The following ARID2 variants were observed in gnomAD, a reference collection of about 807,000 sequenced individuals.
ARID2 encodes the protein AT-rich interactive domain-containing protein 2.
Under a neutral mutation model 184.6 loss-of-function variants are expected in ARID2, and 32 were observed. The observed-to-expected ratio is 0.17, with a 90% CI of 0.13 to 0.23. ARID2 has a LOEUF of 0.23. Among genes scored for constraint, ARID2 ranks in the 10% least tolerant of loss-of-function variants. The pLI is 1.00. For synonymous variants in ARID2, 836 were observed against 772.6 expected, an observed-to-expected ratio of 1.08 and a Z score of -1.36; for missense variants, 1,696 against 2,197.6, an observed-to-expected ratio of 0.77 and a Z score of 4.56.
chr12:45,813,461 A>G (rs1309084078), intron 4 of ARID2, among the ~76,000 whole-genome samples: 1 of 149,780 alleles, frequency 6.7e-6, no homozygotes, highest in Non-Finnish European at 1.5e-5. Context: ...TGTGTTCTAA[A>G]AAAAAAAAAA....
At position 45,848,685 on chromosome 12, in the gene ARID2, A is replaced by G. The variant is rs111910550; in HGVS notation, c.1581-151A>G. ...ATTGATTTAATCTAAAATTTAGCAT[A>G]TATTTTTGCTACTAACGTATGAGTC... On this transcript the variant is annotated intron_variant, in intron 12 of 20. Coordinates refer to ENST00000334344, the MANE Select transcript of ARID2 (RefSeq NM_152641.4). The G allele has an allele frequency of 1.6e-3, 813 of 509,312 alleles. 1 individual carries two copies. Among genetic ancestry groups the G allele is most frequent in the Admixed American group, 3.2e-3 (77 of 24,394 alleles). 31.5% of individuals were successfully genotyped at this position (509,312 alleles called of 1,614,324 possible).
intron 16 of ARID2, among the ~76,000 whole-genome samples, chr12:45,886,418 T>C (rs1222632964): frequency 2.0e-5 from 3 of 152,208 alleles, no homozygotes; most frequent in African/African-American, 7.2e-5. Flanking sequence ...GCATTGAGTG[T>C]CTGCGGTTTC....
intron 6 of ARID2, 96 bp downstream of exon 6, chr12:45,821,583 C>A: frequency 3.1e-6 from 2 of 635,546 alleles, no homozygotes; most frequent in Non-Finnish European, 2.5e-6. Flanking sequence ...ATAATACTAC[C>A]TATACTTTTA....
In ARID2 at chr12:45,848,949, C is replaced by T. The variant is rs769479539; in HGVS notation, c.1694C>T (p.Thr565Ile). 6.2e-7 allele frequency: 1 copy of T among 1,612,042 alleles called. No homozygotes were observed. The highest frequency in any genetic ancestry group is 8.5e-7 in the Non-Finnish European group (1 of 1,178,816). The change falls in exon 13 of 21, where the codon ACT becomes ATT. Residue 565 changes from threonine (T) to isoleucine (I), a missense_variant. Thr to Ile is a moderately conservative substitution (Grantham distance 89, BLOSUM62 -1). Around this residue, in one of 11 missense-constraint regions of ARID2, gnomAD observed 713 missense variants for 824.4 expected, o/e 0.86. Transcript: ENST00000334344. The part of the protein sequence containing the change: ...KLARGGILTS[T>I]GFYKCLRTVF... ...GCTCGTGGTGGAATCCTAACATCAA[C>T]TGGATTTTATAAATGTCTTAGGTAG...
At chr12:45,892,503 T>C (rs1157110683) in intron 18 of ARID2, among the ~76,000 whole-genome samples, 1 of 147,332 alleles carries the variant, frequency 6.8e-6, no homozygotes, top group South Asian at 2.1e-4. Flanking sequence ...TACACACACA[T>C]ATAAACATAC....
chr12:45,899,681 T>TTA (rs1248358845), intron 20 of ARID2, among the ~76,000 whole-genome samples: 1,536 of 54,622 alleles, frequency 0.028, 25 homozygotes, highest in Non-Finnish European at 0.04. Context: ...TTATATATGG[T>TTA]TATATATATA....
At chr12:45,730,311 G>T (rs1940956333) in intron 2 of ARID2, among the ~76,000 whole-genome samples, 174 bp downstream of exon 2, 1 of 148,586 alleles carries the variant, frequency 6.7e-6, no homozygotes, top group Non-Finnish European at 1.5e-5. Context: ...TTTTTGGCCT[G>T]GTGGCTCGCG....
chr12:45,764,994 C>G (rs1011867173), intron 3 of ARID2, among the ~76,000 whole-genome samples: 2 of 152,138 alleles, frequency 1.3e-5, no homozygotes, highest in East Asian at 3.8e-4. Flanking sequence ...TGTCCCTCAA[C>G]CTTGCTAGCA....
At chr12:45,759,289 T>C (rs893020413) in intron 3 of ARID2, among the ~76,000 whole-genome samples, 4 of 152,202 alleles carry the variant, frequency 2.6e-5, no homozygotes, top group East Asian at 3.8e-4. Flanking sequence ...AAATTGGTGA[T>C]ATGTATATGT....
At chr12:45,734,414 T>C (rs1941068540) in intron 3 of ARID2, among the ~76,000 whole-genome samples, 1 of 152,126 alleles carries the variant, frequency 6.6e-6, no homozygotes, top group Non-Finnish European at 1.5e-5. Flanking sequence ...AATTGGATAC[T>C]AATCATCTGT....
At chr12:45,834,754 C>A (rs181373210) in intron 6 of ARID2, among the ~76,000 whole-genome samples, 1 of 152,176 alleles carries the variant, frequency 6.6e-6, no homozygotes, top group East Asian at 1.9e-4. Flanking sequence ...AAAAGAAATA[C>A]GTTGGCAGAT....
At position 45,850,189 on chromosome 12, in the gene ARID2, C is replaced by T. The variant is rs1943519546; in HGVS notation, c.2066C>T (p.Ser689Leu). Reference protein sequence around the residue: ...QTVSRIPQNPSPHTHQQQNAP... With the variant: ...QTVSRIPQNPLPHTHQQQNAP... The stretch of plus-strand genomic sequence containing the variant: ...GTTTCAAGAATTCCACAAAATCCTT[C>T]ACCTCATACCCACCAGCAACAAAAT... The change falls in exon 15 of 21, where the codon TCA becomes TTA. Residue 689 changes from serine to leucine, a missense_variant. Around this residue, in one of 11 missense-constraint regions of ARID2, gnomAD observed 713 missense variants for 824.4 expected, o/e 0.86. Coordinates refer to ENST00000334344, the MANE Select transcript of ARID2 (RefSeq NM_152641.4). 1 of 1,614,000 alleles carries T rather than the reference C, an allele frequency of 6.2e-7. No individual in the cohort carries two copies. Among genetic ancestry groups the T allele is most frequent in the South Asian group, 1.1e-5 (1 of 91,084 alleles).
At chr12:45,758,055 G>A (rs1052361639) in intron 3 of ARID2, among the ~76,000 whole-genome samples, 17 of 152,136 alleles carry the variant, frequency 1.1e-4, no homozygotes, top group African/African-American at 4.1e-4. Context: ...AGACAACAAA[G>A]CGATTTTTCG....
intron 16 of ARID2, among the ~76,000 whole-genome samples, chr12:45,868,356 G>A (rs955341276): frequency 6.6e-6 from 1 of 152,084 alleles, no homozygotes; most frequent in Non-Finnish European, 1.5e-5. Flanking sequence ...CACGAGAATC[G>A]CTTGAACCCA....
intron 6 of ARID2, among the ~76,000 whole-genome samples, chr12:45,829,574 A>G (rs1943069528): frequency 6.6e-6 from 1 of 151,776 alleles, no homozygotes; most frequent in Non-Finnish European, 1.5e-5. Flanking sequence ...TCTGAGTTTT[A>G]TAATTGTCCT....
chr12:45,881,193 G>C (rs1412141930), intron 16 of ARID2: 1 of 153,240 alleles, frequency 6.5e-6, no homozygotes, highest in East Asian at 1.9e-4. Flanking sequence ...TTCCATTTCT[G>C]TTCCTTGTTC....
chr12:45,746,430 T>C (rs989342907), intron 3 of ARID2, among the ~76,000 whole-genome samples: 1 of 152,088 alleles, frequency 6.6e-6, no homozygotes, highest in African/African-American at 2.4e-5. Context: ...ACTGTAAATA[T>C]CTAGACAAAG....
rs1940991709 is a variant in ARID2, at chr12:45,731,297, A to G, written c.267A>G (p.Leu89=). ...GTTGTTCTAACGCTGCCTTTGCTTT[A>G]AAACAGTATTACTTGCGGTGAGTAG... ...PRSCSNAAFA[L]KQYYLRYLEK... is the part of the protein sequence containing the mutation. The change falls in exon 3 of 21, where the codon TTA becomes TTG. Residue 89 remains leucine (L), a synonymous_variant. Transcript: ENST00000334344. The G allele has an allele frequency of 1.9e-6, 3 of 1,613,618 alleles. No homozygotes were observed. The highest frequency in any genetic ancestry group is 1.7e-6 in the Non-Finnish European group (2 of 1,179,540).
At chr12:45,854,994 C>T (rs1056893683) in intron 15 of ARID2, among the ~76,000 whole-genome samples, 2 of 152,220 alleles carry the variant, frequency 1.3e-5, no homozygotes, top group African/African-American at 4.8e-5. Context: ...AACTCATGCT[C>T]TTAACCCATT....
Sources: allele counts gnomAD v4.1 joint callset (sites outside exome capture counted in the v4.1 genomes callset), GRCh38; gene constraint gnomAD v4.1.1; regional missense constraint gnomAD v4.1.1; transcripts MANE v1.5; gene names NCBI Gene and HGNC (gene_info 2026-07-23, HGNC 2026-07-21).